Variants in KBTBD12 observed in about 807,000 individuals in gnomAD.
KBTBD12 encodes kelch repeat and BTB domain containing 12.
KBTBD12 carries 53 observed loss-of-function variants against 58.7 expected under a neutral mutation model. The ratio of observed to expected loss-of-function variants is 0.90; its 90% CI spans 0.72 to 1.14. The LOEUF (loss-of-function observed/expected upper bound fraction) is 1.14. Among genes scored for constraint, KBTBD12 ranks in the 50% most tolerant of loss-of-function variants. KBTBD12 has a pLI of 0.00. For synonymous variants in KBTBD12, 236 were observed against 259.8 expected (o/e 0.91, Z 0.88); for missense variants, 704 against 751.3 (o/e 0.94, Z 0.74).
chr3:127,957,671 A>T (rs11927280), intron 4 of KBTBD12, among the ~76,000 whole-genome samples: 5,600 of 152,242 alleles, frequency 0.037, 325 homozygotes, highest in African/African-American at 0.12. Flanking sequence ...AAGTATAAGA[A>T]AAAAAGATAC....
At chr3:127,917,595 G>T (rs1376060465) in intron 1 of KBTBD12, among the ~76,000 whole-genome samples, 1 of 152,082 alleles carries the variant, frequency 6.6e-6, no homozygotes, top group Admixed American at 6.5e-5. Context: ...TTCTTTCCGG[G>T]GACCAGCTCC....
In KBTBD12 at chr3:127,972,047, A is replaced by G. The variant is rs147228148; in HGVS notation, c.1690+8661A>G. Among the ~76,000 whole-genome samples, 6 of 152,360 alleles carry G rather than the reference A, an allele frequency of 3.9e-5. No individual in the cohort carries two copies. The East Asian group carries it at 1.2e-3, about 29-fold the overall frequency. ...AGAAAATGCACTGGGAAGTACTTCA[A>G]AAATGAATTCTTTTACTAACCAATG... On this transcript the variant is annotated intron_variant, in intron 5 of 5. Coordinates refer to ENST00000405109, the MANE Select transcript of KBTBD12 (RefSeq NM_207335.4).
rs1353627846 is a variant in KBTBD12, at chr3:127,985,213, CAG to C, written c.*939_*940del. On this transcript the variant is annotated 3_prime_UTR_variant, in exon 6 of 6. Transcript: ENST00000405109. ...TCGCCCAAGCCACCCAAGCCAGGGA[CAG>C]AGAAGGCTCTGGCTGAGGACAGGGG... 1 of 152,262 alleles carries C rather than the reference CAG, an allele frequency of 6.6e-6. No individual in the cohort carries two copies. The highest frequency in any genetic ancestry group is 2.4e-5 in the African/African-American group (1 of 41,386). The allele number at this position is 152,262 out of a possible 1,614,324, so 9.4% of individuals were successfully genotyped here.
intron 4 of KBTBD12, among the ~76,000 whole-genome samples, chr3:127,936,894 A>T (rs1199026086): frequency 6.6e-6 from 1 of 152,190 alleles, no homozygotes; most frequent in African/African-American, 2.4e-5. Context: ...AGAAGTAATA[A>T]TCATAAATAA....
intron 3 of KBTBD12, among the ~76,000 whole-genome samples, chr3:127,928,923 T>TA (rs933730188): frequency 6.6e-6 from 1 of 152,216 alleles, no homozygotes; most frequent in African/African-American, 2.4e-5. Context: ...ACCTCACATG[T>TA]AACACATTTA....
chr3:127,941,052 T>G (rs1448066485), intron 4 of KBTBD12, among the ~76,000 whole-genome samples: 1 of 152,212 alleles, frequency 6.6e-6, no homozygotes, highest in Non-Finnish European at 1.5e-5. Context: ...ATTCTTAGTT[T>G]AAAACATTTC....
intron 5 of KBTBD12, among the ~76,000 whole-genome samples, chr3:127,965,886 A>G (rs1373279420): frequency 6.6e-6 from 1 of 152,216 alleles, no homozygotes; most frequent in Non-Finnish European, 1.5e-5. Flanking sequence ...AACAGAAAAA[A>G]CAAAAAACAA....
intron 2 of KBTBD12, among the ~76,000 whole-genome samples, chr3:127,927,498 T>A: frequency 6.6e-6 from 1 of 152,166 alleles, no homozygotes; most frequent in East Asian, 1.9e-4. Context: ...TGAAGGCTAC[T>A]CCTGGAAAAT....
chr3:127,944,082 T>C (rs1940018908), intron 4 of KBTBD12, among the ~76,000 whole-genome samples: 1 of 152,208 alleles, frequency 6.6e-6, no homozygotes, highest in South Asian at 2.1e-4. Flanking sequence ...TTTTGATCAC[T>C]ATAGCTTTGT....
At chr3:127,933,417 A>G (rs1384682518) in intron 4 of KBTBD12, among the ~76,000 whole-genome samples, 1 of 152,190 alleles carries the variant, frequency 6.6e-6, no homozygotes, top group Non-Finnish European at 1.5e-5. Context: ...CAGTTCTCCT[A>G]GGCTGAGATC....
intron 5 of KBTBD12, among the ~76,000 whole-genome samples, chr3:127,974,618 C>T (rs1323515752): frequency 1.3e-5 from 2 of 152,224 alleles, no homozygotes; most frequent in African/African-American, 4.8e-5. Flanking sequence ...GACAAGTTCC[C>T]TGTTCCATAC....
chr3:127,983,371 G>A (rs1415498994), intron 5 of KBTBD12, among the ~76,000 whole-genome samples: 2 of 152,202 alleles, frequency 1.3e-5, no homozygotes, highest in East Asian at 3.8e-4. Flanking sequence ...TCTTGCCATG[G>A]ATCCCTCATG....
At chr3:127,946,255 C>T (rs982673174) in intron 4 of KBTBD12, among the ~76,000 whole-genome samples, 1 of 152,180 alleles carries the variant, frequency 6.6e-6, no homozygotes, top group African/African-American at 2.4e-5. Context: ...AGGCTTCCAA[C>T]CTTTCAATAA....
At chr3:127,943,518 T>C (rs1055224661) in intron 4 of KBTBD12, among the ~76,000 whole-genome samples, 1 of 152,200 alleles carries the variant, frequency 6.6e-6, no homozygotes, top group Non-Finnish European at 1.5e-5. Context: ...TTCAGGTCCC[T>C]TGCCCATTTT....
At chr3:127,974,083 T>G (rs1559775590) in intron 5 of KBTBD12, among the ~76,000 whole-genome samples, 1 of 152,224 alleles carries the variant, frequency 6.6e-6, no homozygotes, top group Non-Finnish European at 1.5e-5. Flanking sequence ...AAAACATTTC[T>G]ATTTCCACAA....
At chr3:127,941,483 A>T (rs1172067371) in intron 4 of KBTBD12, among the ~76,000 whole-genome samples, 1 of 152,256 alleles carries the variant, frequency 6.6e-6, no homozygotes, top group African/African-American at 2.4e-5. Flanking sequence ...TTTGTTCATA[A>T]TGAAAAATTC....
chr3:127,960,395 G>C (rs16839504), intron 4 of KBTBD12, among the ~76,000 whole-genome samples: 8,527 of 152,184 alleles, frequency 0.056, 726 homozygotes, highest in African/African-American at 0.19. Context: ...TTTTGCATTT[G>C]AGGTCCATTT....
rs377332540 is a variant in KBTBD12, at chr3:127,923,360, A to G, written c.299A>G (p.Asn100Ser). 8.1e-6 allele frequency: 13 copies of G among 1,613,852 alleles called. No homozygotes were observed. The highest frequency in any genetic ancestry group is 1.6e-4 in the Middle Eastern group (1 of 6,062). ...GCAGCTTTGGAGATCAATAATGCCA[A>G]TGTACAGACTGTAGCTATGGCTGCC... ...YNAALEINNA[N>S]VQTVAMAAYF... Residue 100 changes from asparagine (N) to serine (S), a missense_variant, in exon 2 of 6, where the codon AAT becomes AGT. Physicochemically the swap from Asn to Ser is conservative, Grantham distance 46. Coordinates refer to ENST00000405109, the MANE Select transcript of KBTBD12 (RefSeq NM_207335.4).
chr3:127,963,089 A>T, intron 4 of KBTBD12, 100 bp from the exon 5 acceptor site: 1 of 1,037,806 alleles, frequency 9.6e-7, no homozygotes, highest in Non-Finnish European at 1.4e-6. Context: ...GAAAAGTTAC[A>T]GTCCCATAAA....
Sources: gnomAD v4.1 joint callset for allele counts (sites outside exome capture counted in the v4.1 genomes callset) on GRCh38, gnomAD v4.1.1 for gene constraint, MANE v1.5 for transcripts, NCBI Gene and HGNC (gene_info 2026-07-23, HGNC 2026-07-21) for gene names.